ZDHHC21: variants seen among roughly 807,000 people sequenced by gnomAD.
ZDHHC21 encodes palmitoyltransferase ZDHHC21.
ZDHHC21 carries 15 observed loss-of-function variants against 34.6 expected under a neutral mutation model. That is an observed-to-expected ratio of 0.43 (90% CI 0.29 to 0.67). The LOEUF is 0.67. Among genes scored for constraint, ZDHHC21 ranks in the 30% least tolerant of loss-of-function variants. The pLI is 0.14. For synonymous variants in ZDHHC21, 142 were observed against 101.8 expected (o/e 1.40, Z -2.38); for missense variants, 344 against 327.7 (o/e 1.05, Z -0.38).
chr9:14,603,758 G>A, the ZDHHC21 span, among the ~76,000 whole-genome samples: 3 of 152,090 alleles, frequency 2.0e-5, no homozygotes, highest in Non-Finnish European at 4.4e-5. Context: ...AAAGGGAATC[G>A]CTGCTCTTTA....
intron 5 of ZDHHC21, 125 bp from the exon 6 acceptor site, chr9:14,662,451 A>C (rs1833586284): frequency 1.5e-6 from 1 of 655,194 alleles, no homozygotes; most frequent in South Asian, 2.1e-5. Context: ...TTTTCTTCTA[A>C]GCCTTTGGTA....
At chr9:14,655,456 A>C (rs955838432) in intron 7 of ZDHHC21, among the ~76,000 whole-genome samples, 1 of 151,962 alleles carries the variant, frequency 6.6e-6, no homozygotes, top group Non-Finnish European at 1.5e-5. Context: ...TATAACTTGT[A>C]TAACAATATA....
At chr9:14,683,011 G>T (rs1054192484) in intron 2 of ZDHHC21, among the ~76,000 whole-genome samples, 5 of 152,180 alleles carry the variant, frequency 3.3e-5, no homozygotes, top group Non-Finnish European at 5.9e-5. Flanking sequence ...CAACATACCA[G>T]AATCTCTGGG....
At chr9:14,660,250 C>G (rs530398023) in intron 6 of ZDHHC21, among the ~76,000 whole-genome samples, 1 of 151,524 alleles carries the variant, frequency 6.6e-6, no homozygotes, top group Non-Finnish European at 1.5e-5. Context: ...CTTGTAATCC[C>G]AGCTACTCGG....
intron 8 of ZDHHC21, among the ~76,000 whole-genome samples, chr9:14,621,888 C>T (rs931036412): frequency 4.0e-5 from 6 of 151,834 alleles, no homozygotes. Flanking sequence ...TAAAAAAAAC[C>T]ACTAAAAAAT....
At chr9:14,679,289 G>A (rs1275105941) in intron 3 of ZDHHC21, among the ~76,000 whole-genome samples, 1 of 152,156 alleles carries the variant, frequency 6.6e-6, no homozygotes, top group Non-Finnish European at 1.5e-5. Context: ...AGACAGATGA[G>A]TATGTGCTGA....
chr9:14,601,760 T>C, the ZDHHC21 span, among the ~76,000 whole-genome samples: 1 of 152,158 alleles, frequency 6.6e-6, no homozygotes, highest in Admixed American at 6.5e-5. Flanking sequence ...TGTGCATCAA[T>C]GATAGACTGG....
In ZDHHC21 at chr9:14,692,548, C is replaced by G. The variant is rs1386379104; in HGVS notation, c.-225+681G>C. ...CTGGTGATACAGACATCCACCCTGACTCTCAAGGGATCTTAAAATGTGACC... is the reference window on the plus strand; with the variant it reads ...CTGGTGATACAGACATCCACCCTGAGTCTCAAGGGATCTTAAAATGTGACC... On this transcript the variant is annotated intron_variant, in intron 1 of 9. Transcript: ENST00000380916. 2.7e-5 allele frequency among the ~76,000 whole-genome samples: 4 copies of G among 149,496 alleles called. No individual in the cohort carries two copies. In the Admixed American group the frequency reaches 2.7e-4, roughly 10 times the overall value.
rs1169887311 is a variant in ZDHHC21, at chr9:14,616,235, A to C, written c.*2731T>G. 1 of 151,790 alleles carries C rather than the reference A, an allele frequency of 6.6e-6. No individual in the cohort carries two copies. Among genetic ancestry groups the C allele is most frequent in the African/African-American group, 2.4e-5 (1 of 41,420 alleles). The allele number at this position is 151,790 out of a possible 1,614,324, so 9.4% of individuals were successfully genotyped here. On this transcript the variant is annotated 3_prime_UTR_variant, in exon 10 of 10. Transcript: ENST00000380916. The stretch of plus-strand genomic sequence containing the variant: ...TGTAATAAATTGGTAATTTCAAAGT[A>C]ACAGCTTTTCCAATTCTAAGGAATT...
At chr9:14,600,839 C>T in the ZDHHC21 span, among the ~76,000 whole-genome samples, 1 of 152,074 alleles carries the variant, frequency 6.6e-6, no homozygotes, top group Admixed American at 6.6e-5. Context: ...GCCTCAGAAA[C>T]AACGCCACAC....
At chr9:14,635,969 G>A (rs1255821505) in intron 8 of ZDHHC21, among the ~76,000 whole-genome samples, 3 of 151,928 alleles carry the variant, frequency 2.0e-5, no homozygotes, top group Non-Finnish European at 4.4e-5. Flanking sequence ...AAACCACAAT[G>A]ATAAACAATA....
chr9:14,654,251 A>G (rs990876875), intron 7 of ZDHHC21, among the ~76,000 whole-genome samples: 2 of 152,072 alleles, frequency 1.3e-5, no homozygotes, highest in Non-Finnish European at 2.9e-5. Context: ...AGCAATCAAG[A>G]TTCCTTACAA....
At chr9:14,662,354 A>C in intron 5 of ZDHHC21, 28 bp from the exon 6 acceptor site, 2 of 1,552,564 alleles carry the variant, frequency 1.3e-6, no homozygotes, top group Non-Finnish European at 1.8e-6. Flanking sequence ...AAATCCATTT[A>C]ATGAAGGCAA....
intron 9 of ZDHHC21, 27 bp downstream of exon 9, chr9:14,619,612 T>C (rs1302667960): frequency 2.9e-6 from 4 of 1,380,518 alleles, no homozygotes; most frequent in Non-Finnish European, 3.0e-6. Flanking sequence ...TTTTAAATAA[T>C]ACTATACACT....
At chr9:14,650,648 G>C (rs1335257702) in intron 7 of ZDHHC21, among the ~76,000 whole-genome samples, 1 of 151,970 alleles carries the variant, frequency 6.6e-6, no homozygotes, top group Non-Finnish European at 1.5e-5. Flanking sequence ...CTGCAGCCAA[G>C]TCTTCTGGCT....
At chr9:14,637,116 G>A (rs1449768375) in intron 8 of ZDHHC21, among the ~76,000 whole-genome samples, 1 of 151,988 alleles carries the variant, frequency 6.6e-6, no homozygotes, top group African/African-American at 2.4e-5. Flanking sequence ...AAGACAAAAA[G>A]TTGGTGTTTT....
At chr9:14,623,199 C>G (rs1825612218) in intron 8 of ZDHHC21, among the ~76,000 whole-genome samples, 1 of 150,434 alleles carries the variant, frequency 6.6e-6, no homozygotes, top group Non-Finnish European at 1.5e-5. Flanking sequence ...AACAAAAAAG[C>G]TCTGCATAGC....
intron 8 of ZDHHC21, among the ~76,000 whole-genome samples, chr9:14,627,024 T>C (rs1046514320): frequency 6.6e-6 from 1 of 152,072 alleles, no homozygotes. Flanking sequence ...GATGTTCATG[T>C]CTGCAATGCT....
At chr9:14,677,413 G>C (rs1429401480) in intron 3 of ZDHHC21, 1 of 151,920 alleles carries the variant, frequency 6.6e-6, no homozygotes, top group African/African-American at 2.4e-5. Flanking sequence ...AACTGGAAGA[G>C]GTGCAAGATC....
Sources: gnomAD v4.1 joint callset for allele counts (sites outside exome capture counted in the v4.1 genomes callset) on GRCh38, gnomAD v4.1.1 for gene constraint, MANE v1.5 for transcripts, NCBI Gene and HGNC (gene_info 2026-07-23, HGNC 2026-07-21) for gene names.